The following NAALADL2 variants were observed in gnomAD, a reference collection of about 807,000 sequenced individuals.
NAALADL2 encodes the protein inactive N-acetylated-alpha-linked acidic dipeptidase-like protein 2.
A neutral mutation model predicts 87.2 loss-of-function variants in NAALADL2; 76 were observed. The ratio of observed to expected loss-of-function variants is 0.87; its 90% CI spans 0.72 to 1.05. The LOEUF (loss-of-function observed/expected upper bound fraction) is 1.05, where lower values mean the gene tolerates loss of function less well. NAALADL2 is among the 50% of genes least tolerant of loss of function. The pLI is 0.00. For missense variants in NAALADL2, 1,089 were observed against 945.8 expected (o/e 1.15, Z -1.99); for synonymous variants, 354 against 331.0 (o/e 1.07, Z -0.75).
chr3:175,051,685 T>A (rs1755409947), intron 1 of NAALADL2, among the ~76,000 whole-genome samples: 1 of 152,076 alleles, frequency 6.6e-6, no homozygotes, highest in Non-Finnish European at 1.5e-5. Context: ...ATTACACTTA[T>A]GGAGAAGGGA....
At chr3:175,767,826 C>A (rs570335338) in intron 13 of NAALADL2, among the ~76,000 whole-genome samples, 4 of 152,114 alleles carry the variant, frequency 2.6e-5, no homozygotes, top group African/African-American at 9.7e-5. Context: ...CAGCAGCTCT[C>A]GGAGAAATTC....
At chr3:175,193,930 C>A (rs1332772809) in intron 2 of NAALADL2, among the ~76,000 whole-genome samples, 1 of 151,816 alleles carries the variant, frequency 6.6e-6, no homozygotes, top group Admixed American at 6.6e-5. Flanking sequence ...ACCATTAGGA[C>A]TTTTAACAGA....
chr3:175,323,773 T>C (rs1338633717), intron 4 of NAALADL2, among the ~76,000 whole-genome samples: 1 of 150,606 alleles, frequency 6.6e-6, no homozygotes, highest in Non-Finnish European at 1.5e-5. Context: ...ATCCCAGCAG[T>C]TTGGGAGGCC....
At chr3:175,013,107 T>TA (rs375809870) in intron 1 of NAALADL2, among the ~76,000 whole-genome samples, 1 of 6,206 alleles carries the variant, frequency 1.6e-4, no homozygotes, top group Admixed American at 1.9e-3. Flanking sequence ...AATATACATA[T>TA]TTATATATAA....
intron 2 of NAALADL2, among the ~76,000 whole-genome samples, chr3:175,210,739 G>C (rs1310331119): frequency 6.6e-6 from 1 of 151,474 alleles, no homozygotes; most frequent in Non-Finnish European, 1.5e-5. Context: ...CTACAAAATT[G>C]AGTAATAAAG....
intron 13 of NAALADL2, among the ~76,000 whole-genome samples, chr3:175,789,939 A>T (rs1752574436): frequency 6.6e-6 from 1 of 152,118 alleles, no homozygotes; most frequent in South Asian, 2.1e-4. Flanking sequence ...TTAATAATGG[A>T]TTGGGCAATT....
At chr3:175,595,466 T>G (rs577185518) in intron 10 of NAALADL2, among the ~76,000 whole-genome samples, 29 of 152,150 alleles carry the variant, frequency 1.9e-4, no homozygotes, top group African/African-American at 6.5e-4. Flanking sequence ...TGATGATGAT[T>G]TGATACTTGA....
chr3:175,754,341 A>G (rs1583120104), intron 12 of NAALADL2, among the ~76,000 whole-genome samples: 3 of 152,278 alleles, frequency 2.0e-5, no homozygotes, highest in East Asian at 1.9e-4. Context: ...GGACAACTAT[A>G]CTAGTGTTGC....
chr3:175,004,266 G>A (rs1748688882), intron 1 of NAALADL2, among the ~76,000 whole-genome samples: 1 of 150,784 alleles, frequency 6.6e-6, no homozygotes, highest in Admixed American at 6.7e-5. Flanking sequence ...GTGTGGTGAT[G>A]CATGCTTGTG....
chr3:174,770,205 TA>T (rs1714364616), intron 3 of NAALADL2, among the ~76,000 whole-genome samples: 1 of 152,132 alleles, frequency 6.6e-6, no homozygotes, highest in African/African-American at 2.4e-5. Flanking sequence ...GACTGTGAGT[TA>T]AAACAAAGGG....
intron 2 of NAALADL2, among the ~76,000 whole-genome samples, chr3:174,553,866 T>A (rs1712442835): frequency 6.6e-6 from 1 of 151,718 alleles, no homozygotes; most frequent in South Asian, 2.1e-4. Context: ...TAATGGGTAA[T>A]TTTTTGTTTT....
intron 10 of NAALADL2, among the ~76,000 whole-genome samples, chr3:175,592,200 C>T (rs915966120): frequency 6.6e-6 from 1 of 152,208 alleles, no homozygotes; most frequent in Middle Eastern, 3.4e-3. Context: ...TGGAAACACT[C>T]CTTACACAGG....
chr3:175,491,178 A>AAATATAATAAAAT (rs771894797), intron 9 of NAALADL2, among the ~76,000 whole-genome samples: 9 of 42,356 alleles, frequency 2.1e-4, no homozygotes, highest in African/African-American at 3.9e-4. Context: ...ATTGTCCTAT[A>AAATATAATAAAAT]AAATAGTATT....
intron 5 of NAALADL2, among the ~76,000 whole-genome samples, chr3:175,333,297 G>T (rs961577599): frequency 1.3e-5 from 2 of 152,166 alleles, no homozygotes; most frequent in Non-Finnish European, 2.9e-5. Context: ...AGGTGGATGG[G>T]GCAGCAGCAG....
intron 2 of NAALADL2, among the ~76,000 whole-genome samples, chr3:174,637,038 A>G (rs1722718563): frequency 6.6e-6 from 1 of 152,168 alleles, no homozygotes; most frequent in South Asian, 2.1e-4. Flanking sequence ...ATAGAACTGG[A>G]AGTCATTATG....
intron 2 of NAALADL2, among the ~76,000 whole-genome samples, chr3:175,140,799 G>C (rs1283178669): frequency 6.6e-6 from 1 of 152,114 alleles, no homozygotes; most frequent in African/African-American, 2.4e-5. Context: ...AAGTGTTTTT[G>C]CAGAAGGAAA....
chr3:174,993,843 C>T (rs995619965), intron 1 of NAALADL2, among the ~76,000 whole-genome samples: 1 of 152,160 alleles, frequency 6.6e-6, no homozygotes, highest in Non-Finnish European at 1.5e-5. Context: ...TCTTTGAAGA[C>T]TCTAGGGAAG....
At chr3:174,579,367 C>A (rs867415454) in intron 2 of NAALADL2, among the ~76,000 whole-genome samples, 3 of 151,868 alleles carry the variant, frequency 2.0e-5, no homozygotes, top group South Asian at 2.1e-4. Context: ...CACTGGAATA[C>A]CCCTCAGAAA....
chr3:174,856,219 T>A (rs1215197220), upstream of NAALADL2, among the ~76,000 whole-genome samples: 1 of 151,954 alleles, frequency 6.6e-6, no homozygotes, highest in Non-Finnish European at 1.5e-5. Context: ...TTGACCAGGG[T>A]GGTCTTGAAC....
Sources: gnomAD v4.1 joint callset for allele counts (sites outside exome capture counted in the v4.1 genomes callset) on GRCh38, gnomAD v4.1.1 for gene constraint, MANE v1.5 for transcripts, NCBI Gene and HGNC (gene_info 2026-07-23, HGNC 2026-07-21) for gene names.